KAZN: variants seen among roughly 807,000 people sequenced by gnomAD.
The protein encoded by KAZN is kazrin.
KAZN carries 40 observed loss-of-function variants against 87.4 expected under a neutral mutation model. That is an observed-to-expected ratio of 0.46 (90% CI 0.36 to 0.60). KAZN has a LOEUF of 0.60. Among genes scored for constraint, KAZN ranks in the 20% least tolerant of loss-of-function variants. The pLI, the probability that KAZN is intolerant of heterozygous loss-of-function variation, is 0.00. For synonymous variants in KAZN, 466 were observed against 458.3 expected (o/e 1.02, Z -0.22); for missense variants, 898 against 1,073.9 (o/e 0.84, Z 2.29).
chr1:14,110,367 C>T (rs1209958556), intron 1 of KAZN, among the ~76,000 whole-genome samples: 2 of 152,184 alleles, frequency 1.3e-5, no homozygotes, highest in African/African-American at 4.8e-5. Context: ...ACTTGCAATG[C>T]AATTTTGTAT....
At chr1:14,428,828 C>T (rs2101366034) in intron 2 of KAZN, among the ~76,000 whole-genome samples, 1 of 152,058 alleles carries the variant, frequency 6.6e-6, no homozygotes, top group African/African-American at 2.4e-5. Flanking sequence ...CCACCTGGTC[C>T]CTCCCATGAC....
intron 1 of KAZN, among the ~76,000 whole-genome samples, chr1:14,125,114 A>G (rs1292085512): frequency 6.6e-6 from 1 of 152,112 alleles, no homozygotes; most frequent in East Asian, 1.9e-4. Flanking sequence ...GGTCTTCTCC[A>G]TCTCAGCACT....
intron 2 of KAZN, among the ~76,000 whole-genome samples, chr1:14,354,645 G>GACACACACACACACACAC (rs71570202): frequency 1.1e-4 from 16 of 141,466 alleles, no homozygotes; most frequent in South Asian, 2.4e-4. Flanking sequence ...AGCTAAATTA[G>GACACACACACACACACAC]ACACACACAC....
chr1:14,964,061 T>C (rs1216962811), intron 2 of KAZN, among the ~76,000 whole-genome samples: 1 of 152,256 alleles, frequency 6.6e-6, no homozygotes. Flanking sequence ...TTCCAAGTCT[T>C]TGCTATTGTA....
intron 1 of KAZN, among the ~76,000 whole-genome samples, chr1:14,763,888 T>C (rs1644811207): frequency 6.6e-6 from 1 of 152,182 alleles, no homozygotes; most frequent in Admixed American, 6.5e-5. Flanking sequence ...TAGCTGGGGT[T>C]ACAGGCACGT....
intron 2 of KAZN, among the ~76,000 whole-genome samples, chr1:14,575,283 A>G (rs544945984): frequency 1.3e-5 from 2 of 152,256 alleles, no homozygotes; most frequent in South Asian, 2.1e-4. Flanking sequence ...TAATTTATAA[A>G]GAAAAAAAGA....
intron 1 of KAZN, among the ~76,000 whole-genome samples, chr1:14,801,267 A>G (rs766312824): frequency 1.2e-4 from 19 of 152,072 alleles, no homozygotes; most frequent in Non-Finnish European, 2.5e-4. Context: ...TCCTCGGGGA[A>G]ATGTGCGTCT....
chr1:14,208,842 C>T (rs920686212), intron 2 of KAZN, among the ~76,000 whole-genome samples: 10 of 152,222 alleles, frequency 6.6e-5, no homozygotes, highest in Admixed American at 6.5e-4. Context: ...GGTCTTACCT[C>T]TCCAAGAGTT....
At chr1:14,117,960 G>A (rs879520015) in intron 1 of KAZN, among the ~76,000 whole-genome samples, 2 of 152,150 alleles carry the variant, frequency 1.3e-5, no homozygotes, top group Non-Finnish European at 2.9e-5. Context: ...TTTACAGAAA[G>A]GTTTCCCACA....
intron 2 of KAZN, among the ~76,000 whole-genome samples, chr1:14,199,914 G>T (rs1646604386): frequency 6.6e-6 from 1 of 151,916 alleles, no homozygotes; most frequent in Non-Finnish European, 1.5e-5. Flanking sequence ...TTTTCTACCT[G>T]ACACCTTCCT....
At chr1:14,967,809 C>T (rs184241453) in intron 2 of KAZN, among the ~76,000 whole-genome samples, 1 of 152,340 alleles carries the variant, frequency 6.6e-6, no homozygotes, top group Admixed American at 6.5e-5. Context: ...AGAAGAAAGG[C>T]AGTCCTGCCA....
chr1:15,085,524 C>T (rs1310323015), intron 8 of KAZN, among the ~76,000 whole-genome samples: 6 of 152,142 alleles, frequency 3.9e-5, no homozygotes, highest in East Asian at 3.9e-4. Flanking sequence ...GATGGGGTTT[C>T]GCCATGTTGC....
At chr1:13,895,425 C>A (rs1159568418) in intron 1 of KAZN, among the ~76,000 whole-genome samples, 1 of 152,104 alleles carries the variant, frequency 6.6e-6, no homozygotes, top group East Asian at 1.9e-4. Context: ...AGCACCCAGG[C>A]CTAAATCAGG....
rs146751876 is a variant in KAZN at position 14,841,332 on chromosome 1, G to A, written c.227-119352G>A. 7.2e-3 allele frequency among the ~76,000 whole-genome samples: 1,082 copies of A among 150,196 alleles called. 6 individuals carry two copies. Among genetic ancestry groups the A allele is most frequent in the East Asian group, 0.026 (133 of 5,100 alleles). The stretch of plus-strand genomic sequence containing the variant: ...GAGGCAGGAGAATGGTGTGAACCCG[G>A]GAGGCGGAGCTTGCAGTGAGCCGAG... On this transcript the variant is annotated intron_variant, in intron 1 of 14. Transcript: ENST00000376030.
At chr1:14,834,016 CACAT>C (rs1200530329) in intron 1 of KAZN, among the ~76,000 whole-genome samples, 13 of 147,388 alleles carry the variant, frequency 8.8e-5, no homozygotes, top group African/African-American at 2.9e-4. Flanking sequence ...CACATACACA[CACAT>C]ACATACATAT....
At chr1:14,514,609 A>ATTTTTTTATATTT (rs1671196699) in intron 2 of KAZN, among the ~76,000 whole-genome samples, 1 of 37,372 alleles carries the variant, frequency 2.7e-5, no homozygotes, top group African/African-American at 1.1e-4. Flanking sequence ...ATATATATAT[A>ATTTTTTTATATTT]TATATATATA....
At chr1:15,003,027 C>CAG (rs1159865657) in intron 2 of KAZN, among the ~76,000 whole-genome samples, 1 of 151,728 alleles carries the variant, frequency 6.6e-6, no homozygotes, top group Non-Finnish European at 1.5e-5. Context: ...CACACACACA[C>CAG]ACACACAAAA....
intron 2 of KAZN, among the ~76,000 whole-genome samples, chr1:14,452,409 T>G (rs1667327955): frequency 6.6e-6 from 1 of 152,192 alleles, no homozygotes; most frequent in Non-Finnish European, 1.5e-5. Flanking sequence ...GTGAGTTCCA[T>G]TTTTAAAAAA....
At chr1:14,183,932 C>A (rs1646252450) in intron 2 of KAZN, among the ~76,000 whole-genome samples, 1 of 151,790 alleles carries the variant, frequency 6.6e-6, no homozygotes, top group Non-Finnish European at 1.5e-5. Context: ...TGGGTCTGGA[C>A]AGGAAGTGGG....
Sources: allele counts gnomAD v4.1 joint callset (sites outside exome capture counted in the v4.1 genomes callset), GRCh38; gene constraint gnomAD v4.1.1; transcripts MANE v1.5; gene names NCBI Gene and HGNC (gene_info 2026-07-23, HGNC 2026-07-21).